UNK: variants seen among roughly 807,000 people sequenced by gnomAD.
UNK encodes the protein unk zinc finger, also known as RING finger protein unkempt homolog.
A neutral mutation model predicts 97.6 loss-of-function variants in UNK; 32 were observed. That is an observed-to-expected ratio of 0.33 (90% confidence interval 0.25 to 0.44). The LOEUF (loss-of-function observed/expected upper bound fraction) is 0.44, where lower values mean the gene tolerates loss of function less well. Ranked by LOEUF, UNK falls within the 20% of genes least tolerant of loss-of-function variation. The pLI is 1.00. For missense variants in UNK, 771 were observed against 1,098.4 expected, an observed-to-expected ratio of 0.70 and a Z score of 4.21; for synonymous variants, 441 against 461.2, an observed-to-expected ratio of 0.96 and a Z score of 0.56.
intron 2 of UNK, 106 bp from the exon 3 acceptor site, chr17:75,812,006 A>G: frequency 1.7e-6 from 2 of 1,192,474 alleles, no homozygotes; most frequent in Non-Finnish European, 2.2e-6. Flanking sequence ...AAAACAAACA[A>G]ACAACAACAA....
chr17:75,800,562 C>A (rs1599367574), intron 1 of UNK, among the ~76,000 whole-genome samples: 1 of 151,060 alleles, frequency 6.6e-6, no homozygotes, highest in African/African-American at 2.4e-5. Flanking sequence ...TAAAGTGAAA[C>A]CCCGCCTCTC....
intron 1 of UNK, among the ~76,000 whole-genome samples, chr17:75,789,558 G>C (rs546236003): frequency 6.6e-6 from 1 of 151,982 alleles, no homozygotes; most frequent in Non-Finnish European, 1.5e-5. Context: ...GGATGGTCTC[G>C]ATCTCCTGAA....
chr17:75,784,915 C>T lies in UNK; in HGVS notation c.35C>T (p.Ala12Val). ...GGCCCCGGGCCCGGCGGCTCCGCAG[C>T]TTCCTCGGCGCCCCCGGCCGCTACC... ...SKGPGPGGSA[A>V]SSAPPAATAQ... The change falls in exon 1 of 16, where the codon GCT becomes GTT. Residue 12 changes from alanine (A) to valine (V), a missense_variant. By Grantham distance (64) the Ala-to-Val change is moderately conservative. Transcript: ENST00000589666. The T allele has an allele frequency of 1.9e-6, 3 of 1,566,794 alleles. No homozygotes were observed. The highest frequency in any genetic ancestry group is 2.6e-6 in the Non-Finnish European group (3 of 1,159,752).
At chr17:75,803,612 G>C (rs1228790389) in intron 1 of UNK, among the ~76,000 whole-genome samples, 4 of 152,158 alleles carry the variant, frequency 2.6e-5, no homozygotes, top group Non-Finnish European at 5.9e-5. Context: ...TCATCAGCAG[G>C]TACTTTGCAG....
At chr17:75,794,258 ACT>A in intron 1 of UNK, 1 of 801,394 alleles carries the variant, frequency 1.2e-6, no homozygotes, top group Non-Finnish European at 1.5e-6. Context: ...CCTGTCCGAA[ACT>A]CTCTGACATA....
chr17:75,786,461 T>C (rs2061711867), intron 1 of UNK, among the ~76,000 whole-genome samples: 6 of 152,252 alleles, frequency 3.9e-5, no homozygotes, highest in Admixed American at 3.3e-4. Flanking sequence ...GAATCTGTAA[T>C]AGAAAGGCTT....
intron 1 of UNK, among the ~76,000 whole-genome samples, chr17:75,806,766 C>G (rs1376694844): frequency 6.6e-6 from 1 of 152,126 alleles, no homozygotes; most frequent in Non-Finnish European, 1.5e-5. Context: ...GTGTGAGACT[C>G]CGTCTCAAAA....
At position 75,818,141 on chromosome 17, in the gene UNK, A is replaced by C. The variant is rs778036864; in HGVS notation, c.1344A>C (p.Gln448His). ...LKPHSLEPRSQEQPLLQPKQD... is the reference protein window; with the variant it reads ...LKPHSLEPRSHEQPLLQPKQD... ...CCCACTCATTAGAGCCCAGGAGTCA[A>C]GAGCAGCCTCTGCTTCAGCCCAAAC... Residue 448 changes from glutamine to histidine, a missense_variant, in exon 10 of 16, where the codon CAA becomes CAC. This residue lies in a region of UNK where 192 missense variants were observed against 202.4 expected (regional missense o/e 0.95). Coordinates refer to ENST00000589666, the MANE Select transcript of UNK (RefSeq NM_001080419.3). This position sits in a 1 kb window ranked among gnomAD's most constrained non-coding sequence, Gnocchi z 5.1. 1.9e-6 allele frequency: 3 copies of C among 1,613,592 alleles called. No individual in the cohort carries two copies. The East Asian group carries it at 6.7e-5, about 36-fold the overall frequency.
chr17:75,812,813 C>T (rs2061982338), intron 4 of UNK, among the ~76,000 whole-genome samples: 2 of 152,276 alleles, frequency 1.3e-5, no homozygotes, highest in Non-Finnish European at 1.5e-5. Flanking sequence ...CGTACATAAG[C>T]GCACATGCAA....
intron 1 of UNK, among the ~76,000 whole-genome samples, chr17:75,805,086 C>T (rs890442078): frequency 2.7e-5 from 4 of 147,538 alleles, no homozygotes; most frequent in African/African-American, 1.0e-4. Context: ...GAGGCTGAGG[C>T]AGGAGAATGG....
At chr17:75,794,404 AGGCGG>A (rs1452224950) in intron 1 of UNK, among the ~76,000 whole-genome samples, 1 of 152,158 alleles carries the variant, frequency 6.6e-6, no homozygotes, top group Non-Finnish European at 1.5e-5. Flanking sequence ...TGGGAGGCTG[AGGCGG>A]GTGGATTGCC....
chr17:75,785,007 C>A, intron 1 of UNK, 23 bp downstream of exon 1: 3 of 1,225,428 alleles, frequency 2.4e-6, no homozygotes, highest in East Asian at 3.2e-5. Context: ...CCCCCCCCCC[C>A]GCCGCGCGCG....
In UNK at chr17:75,823,445, G is replaced by A. The variant is rs992847786; in HGVS notation, c.2200G>A (p.Asp734Asn). ...GCCCCAGGCCCTGCCCGCCTTCTCC[G>A]ACCTGGAGGCGCTCTCACTCTCCAC... ...PEPQALPAFS[D>N]LEALSLSTLY... is the part of the protein sequence containing the mutation. Residue 734 changes from aspartate (D) to asparagine (N), a missense_variant, in exon 15 of 16, where the codon GAC becomes AAC. Physicochemically the swap from Asp to Asn is conservative, Grantham distance 23. Coordinates refer to ENST00000589666, the MANE Select transcript of UNK (RefSeq NM_001080419.3). 3 of 1,585,522 alleles carry A rather than the reference G, an allele frequency of 1.9e-6. No homozygotes were observed. The highest frequency in any genetic ancestry group is 2.6e-6 in the Non-Finnish European group (3 of 1,163,728).
intron 1 of UNK, among the ~76,000 whole-genome samples, chr17:75,803,232 C>G (rs2061879746): frequency 7.3e-6 from 1 of 137,776 alleles, no homozygotes; most frequent in Non-Finnish European, 1.6e-5. Context: ...AACCCCGTCT[C>G]TACTAAAAAA....
In UNK at chr17:75,816,838, C is replaced by T. The variant is rs58342122; in HGVS notation, c.1030C>T (p.Leu344=). Residue 344 remains leucine (L), a synonymous_variant, in exon 8 of 16, where the codon CTG becomes TTG. Coordinates refer to ENST00000589666, the MANE Select transcript of UNK (RefSeq NM_001080419.3). The surrounding 1 kb of genome is among the most constrained non-coding windows in gnomAD (Gnocchi z 4.0). ...CAGCCCCACCCAGCCAGGTCCTGTC[C>T]TGTACATGCCATCTGCCGCCGGAGA... ...VSSPTQPGPV[L]YMPSAAGDSV... 10,208 of 1,607,848 alleles carry T rather than the reference C, an allele frequency of 6.3e-3. 313 individuals are homozygous for T. In the African/African-American group the frequency reaches 0.083, roughly 13 times the overall value.
rs74319437 is a variant in UNK at position 75,813,898 on chromosome 17, G to T, written c.876+20G>T. The T allele has an allele frequency of 3.4e-5, 52 of 1,539,014 alleles. No individual in the cohort carries two copies. Among genetic ancestry groups the T allele is most frequent in the South Asian group, 8.3e-5 (7 of 83,918 alleles). ...CCCGAGGTGGGCCCCACAGCAGGGT[G>T]GGGGGGTGGCTTTGGGAAGTAAGGA... On this transcript the variant is annotated intron_variant, in intron 6 of 15. Transcript: ENST00000589666.
chr17:75,823,603 T>C (rs1257124296), intron 15 of UNK, 81 bp downstream of exon 15: 4 of 1,441,500 alleles, frequency 2.8e-6, no homozygotes, highest in Non-Finnish European at 3.7e-6. Context: ...TCCAGGCTGC[T>C]CCAGGGATGG....
chr17:75,793,627 G>A (rs2061780825), intron 1 of UNK: 1 of 985,368 alleles, frequency 1.0e-6, no homozygotes, highest in East Asian at 1.1e-4. Context: ...TCATCAAGTC[G>A]TATCTGAACT....
Position 75,821,552 on chromosome 17 carries a change from C to T in UNK, c.1838-925C>T, listed in dbSNP as rs8077170. 5.9e-4 allele frequency: 267 copies of T among 453,602 alleles called. 1 individual carries two copies. Among genetic ancestry groups the T allele is most frequent in the African/African-American group, 4.9e-3 (245 of 50,164 alleles). 28.1% of individuals were successfully genotyped at this position (453,602 alleles called of 1,614,324 possible). Reference sequence around the variant, plus strand: ...GGCAGATGGCTCAGACAGTGCATGCCACAGGGTCTCCGCACAGGACCATGT... The same window carrying T: ...GGCAGATGGCTCAGACAGTGCATGCTACAGGGTCTCCGCACAGGACCATGT... On this transcript the variant is annotated intron_variant, in intron 13 of 15. Coordinates refer to ENST00000589666, the MANE Select transcript of UNK (RefSeq NM_001080419.3).
Sources: gnomAD v4.1 joint callset for allele counts (sites outside exome capture counted in the v4.1 genomes callset) on GRCh38, gnomAD v4.1.1 for gene constraint, gnomAD v4.1.1 regional missense constraint, Gnocchi (gnomAD v3.1) non-coding constraint, MANE v1.5 for transcripts, NCBI Gene and HGNC (gene_info 2026-07-23, HGNC 2026-07-21) for gene names.